The following HROB variants were observed in gnomAD, a reference collection of about 807,000 sequenced individuals.
HROB encodes homologous recombination factor with OB-fold.
In HROB, 44 loss-of-function variants were observed where a neutral mutation model predicts 61.0. The observed-to-expected ratio is 0.72, with a 90% CI of 0.57 to 0.93. The LOEUF is 0.93. Ranked by LOEUF, HROB falls within the 40% of genes least tolerant of loss-of-function variation. The probability of loss-of-function intolerance (pLI) is 0.00; values close to 1 mark genes in which losing one functional copy is unlikely to be tolerated. For missense variants in HROB, 716 were observed against 796.2 expected, an observed-to-expected ratio of 0.90 and a Z score of 1.21; for synonymous variants, 301 against 310.4, an observed-to-expected ratio of 0.97 and a Z score of 0.32.
In HROB at chr17:44,152,679, C is replaced by T. The variant is rs762896100; in HGVS notation, c.1351C>T (p.Arg451Ter). Reference protein sequence around the residue: ...SQASVEEDFGRGPWLTMKSTL... With the variant: ...SQASVEEDFG ...GGCATCTGTGGAGGAGGATTTTGGG[C>T]GAGGGCCCTGGCTGACCATGAAATC... is the stretch of plus-strand genomic sequence containing the variant. Residue 451 changes from arginine to a stop codon, truncating the protein, a stop_gained, in exon 5 of 10, where the codon CGA (arginine) becomes TGA (stop). Coordinates refer to ENST00000585683, the MANE Select transcript of HROB (RefSeq NM_001171251.3). LOFTEE classifies it high-confidence loss of function. 1.2e-6 allele frequency: 2 copies of T among 1,614,124 alleles called. No individual in the cohort carries two copies. Among genetic ancestry groups the T allele is most frequent in the East Asian group, 2.2e-5 (1 of 44,880 alleles).
rs1197648395 is a variant in HROB at position 44,148,257 on chromosome 17, G to A, written c.454G>A (p.Gly152Arg). 5 of 1,614,062 alleles carry A rather than the reference G, an allele frequency of 3.1e-6. No homozygotes were observed. In the African/African-American group the frequency reaches 6.7e-5, roughly 22 times the overall value. ...SQQQQVGGFEGPEQDEFDKVL... is the reference protein window; with the variant it reads ...SQQQQVGGFERPEQDEFDKVL... ...ACAGCAGCAAGTTGGTGGCTTTGAG[G>A]GGCCTGAACAAGACGAATTTGATAA... The change falls in exon 3 of 10, where the codon GGG becomes AGG. Residue 152 changes from glycine to arginine, a missense_variant. Physicochemically the swap from Gly to Arg is moderately radical, Grantham distance 125. Coordinates refer to ENST00000585683, the MANE Select transcript of HROB (RefSeq NM_001171251.3).
intron 8 of HROB, among the ~76,000 whole-genome samples, chr17:44,156,443 C>T (rs889846183): frequency 6.6e-6 from 1 of 152,104 alleles, no homozygotes; most frequent in African/African-American, 2.4e-5. Context: ...AGGCTGGTCC[C>T]GAACTCCTGA....
chr17:44,154,456 T>C, intron 5 of HROB, 100 bp from the exon 6 acceptor site: 1 of 1,066,086 alleles, frequency 9.4e-7, no homozygotes, highest in Non-Finnish European at 1.5e-6. Context: ...ATAACTATAC[T>C]CTGACCCCTC....
At chr17:44,147,760 A>T in intron 2 of HROB, 98 bp from the exon 3 acceptor site, 4 of 1,219,094 alleles carry the variant, frequency 3.3e-6, no homozygotes, top group Non-Finnish European at 3.4e-6. Flanking sequence ...TCTTTCAAGT[A>T]TCTACACACA....
At chr17:44,145,963 C>A (rs1180746539) in intron 2 of HROB, among the ~76,000 whole-genome samples, 1 of 152,178 alleles carries the variant, frequency 6.6e-6, no homozygotes, top group East Asian at 1.9e-4. Context: ...ACAGATCATC[C>A]CATCACCTAG....
chr17:44,152,479 C>A (rs1247142200), intron 4 of HROB, among the ~76,000 whole-genome samples, 158 bp from the exon 5 acceptor site: 5 of 151,878 alleles, frequency 3.3e-5, no homozygotes, highest in Admixed American at 2.6e-4. Context: ...CATTTTCTGG[C>A]CTTGGAGATA....
Position 44,162,173 on chromosome 17 carries a change from C to A in HROB, c.*241C>A. On this transcript the variant is annotated 3_prime_UTR_variant, in exon 10 of 10. Transcript: ENST00000585683. ...GGCCGGAGACTGGCTCTCCAGCCAA[C>A]AAGAAAGGCCTGTCACCCTCGCCTT... is the stretch of plus-strand genomic sequence containing the variant. 2 of 500,952 alleles carry A rather than the reference C, an allele frequency of 4.0e-6. No individual in the cohort carries two copies. Among genetic ancestry groups the A allele is most frequent in the Non-Finnish European group, 7.2e-6 (2 of 279,360 alleles). The allele number at this position is 500,952 out of a possible 1,614,324, so 31.0% of individuals were successfully genotyped here. A position where few individuals can be genotyped will look rare whatever the true frequency, so the allele number is the denominator to read the frequency against.
At chr17:44,149,310 G>A (rs1377267913) in intron 3 of HROB, among the ~76,000 whole-genome samples, 6 of 151,372 alleles carry the variant, frequency 4.0e-5, no homozygotes, top group African/African-American at 1.2e-4. Context: ...GTGCAGTGGC[G>A]CAATCTCAGC....
rs2053692255 is a variant in HROB at position 44,148,595 on chromosome 17, C to G, written c.792C>G (p.Leu264=). ...PTALTVPTQQ[L]HWEVCPQRSP... ...CCTTAACAGTTCCCACTCAGCAACT[C>G]CACTGGGAAGTCTGTCCGCAACGCT... Residue 264 remains leucine, a synonymous_variant, in exon 3 of 10, where the codon CTC becomes CTG. Coordinates refer to ENST00000585683, the MANE Select transcript of HROB (RefSeq NM_001171251.3). 1.9e-6 allele frequency: 3 copies of G among 1,613,720 alleles called. No individual in the cohort carries two copies. In the East Asian group the frequency reaches 6.7e-5, roughly 36 times the overall value.
chr17:44,160,240 T>TA (rs966162526), intron 9 of HROB, among the ~76,000 whole-genome samples: 3 of 152,124 alleles, frequency 2.0e-5, no homozygotes, highest in African/African-American at 7.2e-5. Context: ...ATAATGATAA[T>TA]ACAGAGATTA....
chr17:44,151,297 C>T (rs571383434), intron 4 of HROB, among the ~76,000 whole-genome samples: 54 of 152,246 alleles, frequency 3.5e-4, no homozygotes, highest in African/African-American at 1.3e-3. Flanking sequence ...GAAATAAAGG[C>T]CCAGCTAGCT....
At chr17:44,159,833 G>T (rs1395322207) in intron 9 of HROB, among the ~76,000 whole-genome samples, 1 of 152,188 alleles carries the variant, frequency 6.6e-6, no homozygotes, top group African/African-American at 2.4e-5. Context: ...GAAGAACCAG[G>T]TATACAGGCG....
In HROB at chr17:44,155,292, G is replaced by A. The variant is rs748985635; in HGVS notation, c.1651G>A (p.Val551Met). The A allele has an allele frequency of 5.0e-6, 8 of 1,614,054 alleles. No homozygotes were observed. The highest frequency in any genetic ancestry group is 3.3e-5 in the Admixed American group (2 of 59,990). The change falls in exon 8 of 10, where the codon GTG becomes ATG. Residue 551 changes from valine (V) to methionine (M), a missense_variant. Physicochemically the swap from Val to Met is conservative, Grantham distance 21. Coordinates refer to ENST00000585683, the MANE Select transcript of HROB (RefSeq NM_001171251.3). ...TCCCTTTCCTTGACTCCAGATTGGA[G>A]TGTTTTCTCCTTCACTTCGAAATCA... ...GSVLLLKQIGVFSPSLRNHYL... is the reference protein window; with the variant it reads ...GSVLLLKQIGMFSPSLRNHYL...
intron 9 of HROB, among the ~76,000 whole-genome samples, chr17:44,160,460 C>T (rs923265494): frequency 6.6e-5 from 10 of 151,884 alleles, no homozygotes; most frequent in Admixed American, 6.6e-5. Context: ...TCCAGCTACT[C>T]GGGAGGCTGA....
intron 5 of HROB, among the ~76,000 whole-genome samples, chr17:44,153,410 G>A (rs1196351918): frequency 4.0e-5 from 6 of 151,818 alleles, no homozygotes; most frequent in South Asian, 2.1e-4. Context: ...AACTATGATC[G>A]TGCCACTGCC....
At position 44,148,740 on chromosome 17, in the gene HROB, C is replaced by T. The variant is rs775211301; in HGVS notation, c.937C>T (p.His313Tyr). The change falls in exon 3 of 10, where the codon CAT becomes TAT. Residue 313 changes from histidine to tyrosine, a missense_variant. Coordinates refer to ENST00000585683, the MANE Select transcript of HROB (RefSeq NM_001171251.3). Reference sequence around the variant, plus strand: ...AAGTTCCTGGTTAAGTGGCAAAGCTCATTTACCCAGACCTCGAACTCCCAA... The same window carrying T: ...AAGTTCCTGGTTAAGTGGCAAAGCTTATTTACCCAGACCTCGAACTCCCAA... ...SPSSWLSGKA[H>Y]LPRPRTPNSS... 6.2e-7 allele frequency: 1 copy of T among 1,614,214 alleles called. No homozygotes were observed. The highest frequency in any genetic ancestry group is 1.1e-5 in the South Asian group (1 of 91,084).
intron 9 of HROB, among the ~76,000 whole-genome samples, chr17:44,158,702 G>A (rs887355435): frequency 6.7e-6 from 1 of 150,334 alleles, no homozygotes; most frequent in African/African-American, 2.5e-5. Context: ...GTGAAGTGCA[G>A]TGGTGCGATC....
chr17:44,144,931 G>A (rs1009861575), intron 1 of HROB, among the ~76,000 whole-genome samples: 17 of 151,746 alleles, frequency 1.1e-4, no homozygotes, highest in African/African-American at 4.1e-4. Context: ...GGCCAGGTTG[G>A]TCTCGAACTC....
intron 1 of HROB, 80 bp from the exon 2 acceptor site, chr17:44,145,123 T>C (rs763152490): frequency 6.5e-5 from 96 of 1,472,608 alleles, no homozygotes; most frequent in Non-Finnish European, 8.6e-5. Context: ...GTATTGTTAG[T>C]GCTGGGAAGA....
Sources: allele counts gnomAD v4.1 joint callset (sites outside exome capture counted in the v4.1 genomes callset), GRCh38; gene constraint gnomAD v4.1.1; transcripts MANE v1.5; gene names NCBI Gene and HGNC (gene_info 2026-07-23, HGNC 2026-07-21).